The following ERBB4 variants were observed in gnomAD, a reference collection of about 807,000 sequenced individuals.
The protein encoded by ERBB4 is receptor tyrosine-protein kinase erbB-4.
ERBB4 carries 42 observed loss-of-function variants against 158.0 expected under a neutral mutation model. The observed-to-expected ratio is 0.27, with a 90% CI of 0.21 to 0.34. The LOEUF is 0.34. ERBB4 is among the 10% of genes least tolerant of loss of function. The pLI, the probability that ERBB4 is intolerant of heterozygous loss-of-function variation, is 1.00. For missense variants in ERBB4, 1,333 were observed against 1,624.1 expected, an observed-to-expected ratio of 0.82 and a Z score of 3.08; for synonymous variants, 583 against 558.7, an observed-to-expected ratio of 1.04 and a Z score of -0.61.
chr2:212,412,224 T>G (rs1199359434), intron 1 of ERBB4, among the ~76,000 whole-genome samples: 2 of 152,186 alleles, frequency 1.3e-5, no homozygotes, highest in African/African-American at 4.8e-5. Context: ...CCAACTTTGG[T>G]AAACTATTTT....
intron 1 of ERBB4, among the ~76,000 whole-genome samples, chr2:212,198,680 T>G (rs1453923634): frequency 6.6e-6 from 1 of 151,896 alleles, no homozygotes; most frequent in African/African-American, 2.4e-5. Context: ...GTTCAAGCGA[T>G]TCTCCTGGCT....
chr2:212,040,349 A>ATC (rs1339952086), intron 2 of ERBB4, among the ~76,000 whole-genome samples: 87 of 152,246 alleles, frequency 5.7e-4, no homozygotes, highest in African/African-American at 2.0e-3. Context: ...TTTTAGAAAG[A>ATC]AAACACTTAT....
At chr2:211,678,300 CAAAAA>C (rs66468350) in intron 13 of ERBB4, among the ~76,000 whole-genome samples, 2 of 96,578 alleles carry the variant, frequency 2.1e-5, no homozygotes, top group East Asian at 4.0e-4. Flanking sequence ...AACAAACAAA[CAAAAA>C]AAAACAAACA....
Position 212,509,022 on chromosome 2 carries a change from T to C in ERBB4, c.82+29427A>G, listed in dbSNP as rs111330134. On this transcript the variant is annotated intron_variant, in intron 1 of 27. Transcript: ENST00000342788. ...TCCTTAAGACTTATACCATTTCTTCTTACACCTTTCCGTACATGCTGAAAT... is the reference window on the plus strand; with the variant it reads ...TCCTTAAGACTTATACCATTTCTTCCTACACCTTTCCGTACATGCTGAAAT... 1.5e-3 allele frequency among the ~76,000 whole-genome samples: 228 copies of C among 152,230 alleles called. 2 individuals are homozygous for C. Among genetic ancestry groups the C allele is most frequent in the Middle Eastern group, 6.8e-3 (2 of 294 alleles).
At chr2:211,584,582 A>C (rs901899931) in intron 19 of ERBB4, among the ~76,000 whole-genome samples, 25 of 152,050 alleles carry the variant, frequency 1.6e-4, no homozygotes, top group African/African-American at 6.0e-4. Flanking sequence ...TATTTTGAGT[A>C]CTAGTTTTCT....
intron 12 of ERBB4, among the ~76,000 whole-genome samples, chr2:211,697,306 A>C (rs2073063842): frequency 6.6e-6 from 1 of 152,182 alleles, no homozygotes; most frequent in Non-Finnish European, 1.5e-5. Flanking sequence ...AAATTTTAAA[A>C]ATGCTATGCC....
chr2:211,420,532 T>A lies in ERBB4; in HGVS notation c.3044A>T (p.Asp1015Val), dbSNP rs769751950. 1.2e-6 allele frequency: 2 copies of A among 1,612,740 alleles called. No individual in the cohort carries two copies. The highest frequency in any genetic ancestry group is 2.2e-5 in the South Asian group (2 of 91,044). Residue 1015 changes from aspartate (D) to valine (V), a missense_variant, in exon 25 of 28, where the codon GAT (aspartate) becomes GTT (valine). Around this residue, in one of 5 missense-constraint regions of ERBB4, gnomAD observed 314 missense variants for 437.6 expected, o/e 0.72. Transcript: ENST00000342788. ...QNLLDEEDLE[D>V]MMDAEEYLVP... ...CAAGTACTCCTCAGCATCCATCATA[T>A]CTTCCAAATCCTCTTCATCCAAGAG...
At chr2:212,065,022 TG>T (rs1293007054) in intron 2 of ERBB4, among the ~76,000 whole-genome samples, 7 of 147,562 alleles carry the variant, frequency 4.7e-5, no homozygotes, top group East Asian at 2.0e-4. Context: ...TGTGTGTGTG[TG>T]TGTGTTGTGT....
intron 27 of ERBB4, among the ~76,000 whole-genome samples, chr2:211,385,248 C>T (rs998311894): frequency 2.6e-5 from 4 of 152,102 alleles, no homozygotes; most frequent in South Asian, 2.1e-4. Context: ...GAATATCCCA[C>T]TATCATATAT....
intron 4 of ERBB4, among the ~76,000 whole-genome samples, chr2:211,761,175 C>G (rs545691869): frequency 8.9e-6 from 1 of 112,332 alleles, no homozygotes; most frequent in East Asian, 2.4e-4. Flanking sequence ...AGCCTGGCGA[C>G]AGGGTGAGAT....
chr2:211,762,916 T>G (rs1399682084), intron 4 of ERBB4, among the ~76,000 whole-genome samples: 3 of 152,200 alleles, frequency 2.0e-5, no homozygotes, highest in Admixed American at 2.0e-4. Flanking sequence ...TGTATCACTA[T>G]TATGTGATTG....
rs200418476 is a variant in ERBB4 at position 211,379,227 on chromosome 2, CTT to C, written c.*4386_*4387del. 3.7e-4 allele frequency: 76 copies of C among 202,900 alleles called. No homozygotes were observed. Among genetic ancestry groups the C allele is most frequent in the East Asian group, 8.2e-4 (11 of 13,420 alleles). The allele number at this position is 202,900 out of a possible 1,614,324, so 12.6% of individuals were successfully genotyped here. On this transcript the variant is annotated 3_prime_UTR_variant, in exon 28 of 28. Coordinates refer to ENST00000342788, the MANE Select transcript of ERBB4 (RefSeq NM_005235.3). ...GTTTGCTAGCTAAATGACACCACTCCTTTTTTTTTTTGTCTCTGCATAAGGTA... is the reference window on the plus strand; with the variant it reads ...GTTTGCTAGCTAAATGACACCACTCCTTTTTTTTTGTCTCTGCATAAGGTA...
At chr2:211,982,076 G>A (rs568870217) in intron 2 of ERBB4, among the ~76,000 whole-genome samples, 2 of 151,884 alleles carry the variant, frequency 1.3e-5, no homozygotes, top group South Asian at 2.1e-4. Flanking sequence ...TTAAAATGCA[G>A]CAGCAATATT....
intron 2 of ERBB4, among the ~76,000 whole-genome samples, chr2:212,052,728 A>C (rs973490686): frequency 6.6e-6 from 1 of 152,192 alleles, no homozygotes; most frequent in Middle Eastern, 3.4e-3. Context: ...AGGGACTAAA[A>C]CCACATCCAG....
chr2:212,157,628 C>G (rs2081080673), intron 1 of ERBB4, among the ~76,000 whole-genome samples: 2 of 152,016 alleles, frequency 1.3e-5, no homozygotes, highest in South Asian at 4.1e-4. Flanking sequence ...TAATATTTCT[C>G]ATTACAAACT....
intron 19 of ERBB4, among the ~76,000 whole-genome samples, chr2:211,570,283 A>G (rs1230058486): frequency 7.1e-6 from 1 of 141,232 alleles, no homozygotes; most frequent in Non-Finnish European, 1.5e-5. Context: ...TCCTGAGTAG[A>G]TGTGATTACA....
chr2:212,403,783 A>T (rs968154915), intron 1 of ERBB4, among the ~76,000 whole-genome samples: 1 of 152,078 alleles, frequency 6.6e-6, no homozygotes, highest in African/African-American at 2.4e-5. Flanking sequence ...TTTATGGAAG[A>T]TGAATAAATT....
intron 25 of ERBB4, 95 bp downstream of exon 25, chr2:211,420,346 G>T: frequency 1.1e-6 from 1 of 872,562 alleles, no homozygotes; most frequent in Non-Finnish European, 1.9e-6. Context: ...ATTGATTTGA[G>T]CTATATAATT....
chr2:212,393,855 A>G (rs1454637589), intron 1 of ERBB4, among the ~76,000 whole-genome samples: 1 of 152,130 alleles, frequency 6.6e-6, no homozygotes, highest in Non-Finnish European at 1.5e-5. Context: ...TACTAGGCCA[A>G]TGAAATAGTA....
Sources: allele counts gnomAD v4.1 joint callset (sites outside exome capture counted in the v4.1 genomes callset), GRCh38; gene constraint gnomAD v4.1.1; regional missense constraint gnomAD v4.1.1; transcripts MANE v1.5; gene names NCBI Gene and HGNC (gene_info 2026-07-23, HGNC 2026-07-21).